Variants in WNT5A observed in about 807,000 individuals in gnomAD.
WNT5A encodes the protein Wnt family member 5A.
WNT5A carries 9 observed loss-of-function variants against 42.1 expected under a neutral mutation model. The ratio of observed to expected loss-of-function variants is 0.21; its 90% CI spans 0.13 to 0.37. The LOEUF is 0.37. Ranked by LOEUF, WNT5A falls within the 10% of genes least tolerant of loss-of-function variation. WNT5A has a pLI of 1.00. For missense variants in WNT5A, 426 were observed against 534.0 expected (o/e 0.80, Z 1.99); for synonymous variants, 210 against 210.0 (o/e 1.00, Z 0.00).
chr3:55,487,323 C>G (rs974929500), upstream of WNT5A: 16 of 366,736 alleles, frequency 4.4e-5, no homozygotes, highest in African/African-American at 3.2e-4. Flanking sequence ...AGAGGCGCTC[C>G]GTTTCCAACG....
chr3:55,484,845 C>A (rs1208593180), intron 1 of WNT5A, among the ~76,000 whole-genome samples: 2 of 152,134 alleles, frequency 1.3e-5, no homozygotes, highest in Non-Finnish European at 2.9e-5. Context: ...ATAGTCCAAC[C>A]CCCACTCTTT....
chr3:55,503,936 A>G, the WNT5A span, among the ~76,000 whole-genome samples: 3 of 152,156 alleles, frequency 2.0e-5, no homozygotes, highest in African/African-American at 7.2e-5. Flanking sequence ...GCAACAGAGC[A>G]AGACTCTGTC....
chr3:55,479,238 C>T (rs1462979607), intron 3 of WNT5A, 76 bp downstream of exon 3: 1 of 1,418,160 alleles, frequency 7.1e-7, no homozygotes. Flanking sequence ...TTCTATCAAG[C>T]ATGAAGTAAA....
At chr3:55,492,232 C>G (rs11130475), upstream of WNT5A, among the ~76,000 whole-genome samples, 9,612 of 56,174 alleles carry the variant, frequency 0.17, 462 homozygotes, top group African/African-American at 0.3. Context: ...TGCTTTGTGG[C>G]GGGGGGGCAC....
chr3:55,479,302 A>G lies in WNT5A; in HGVS notation c.391+12T>C. On this transcript the variant is annotated intron_variant, in intron 3 of 4. Coordinates refer to ENST00000264634, the MANE Select transcript of WNT5A (RefSeq NM_003392.7). ...TTAATGTTTTAAAAAAATATTTTAAATGTTTTCCTACCTATCTGCATCACC... is the reference window on the plus strand; with the variant it reads ...TTAATGTTTTAAAAAAATATTTTAAGTGTTTTCCTACCTATCTGCATCACC... The G allele has an allele frequency of 2.0e-6, 3 of 1,488,846 alleles. No individual in the cohort carries two copies. The highest frequency in any genetic ancestry group is 9.0e-7 in the Non-Finnish European group (1 of 1,116,496). 92.2% of individuals were successfully genotyped at this position (1,488,846 alleles called of 1,614,324 possible).
intron 1 of WNT5A, among the ~76,000 whole-genome samples, chr3:55,485,723 A>G (rs2051565779): frequency 6.6e-6 from 1 of 152,176 alleles, no homozygotes; most frequent in Non-Finnish European, 1.5e-5. Flanking sequence ...AGTTACTTCC[A>G]AACAGCGAAT....
At chr3:55,480,573 T>C (rs1268671561) in intron 2 of WNT5A, among the ~76,000 whole-genome samples, 1 of 152,174 alleles carries the variant, frequency 6.6e-6, no homozygotes, top group African/African-American at 2.4e-5. Flanking sequence ...ATTTATAGTT[T>C]CCCATTCCCT....
rs547995177 is a variant in WNT5A, at chr3:55,483,422, C to T, written c.7-2504G>A. On this transcript the variant is annotated intron_variant, in intron 1 of 4. Coordinates refer to ENST00000264634, the MANE Select transcript of WNT5A (RefSeq NM_003392.7). The surrounding 1 kb of genome is among the most constrained non-coding windows in gnomAD (Gnocchi z 4.2). ...CACAGCGAACTCACACATACATCGG[C>T]TCTGTAGGGTAAAACATCCCCGCCT... is the stretch of plus-strand genomic sequence containing the variant. Among the ~76,000 whole-genome samples the T allele has an allele frequency of 6.6e-6, 1 of 152,126 alleles. No individual in the cohort carries two copies. Among genetic ancestry groups the T allele is most frequent in the Non-Finnish European group, 1.5e-5 (1 of 68,024 alleles).
upstream of WNT5A, among the ~76,000 whole-genome samples, chr3:55,491,968 C>T (rs564477640): frequency 9.2e-5 from 14 of 152,210 alleles, no homozygotes; most frequent in Non-Finnish European, 1.6e-4. Flanking sequence ...CTTTGTGCTG[C>T]CACTGGCCTG....
At chr3:55,503,910 C>G in the WNT5A span, among the ~76,000 whole-genome samples, 116 of 152,320 alleles carry the variant, frequency 7.6e-4, no homozygotes, top group African/African-American at 2.7e-3. Context: ...GATTGCACTA[C>G]TGCACTCCAG....
At chr3:55,487,364 C>G (rs1484647209), upstream of WNT5A, 1 of 294,186 alleles carries the variant, frequency 3.4e-6, no homozygotes, top group Non-Finnish European at 6.2e-6. Context: ...TTAGGGCTTT[C>G]CAACCCCAAA....
At chr3:55,484,537 C>T (rs1559559090) in intron 1 of WNT5A, among the ~76,000 whole-genome samples, 1 of 152,142 alleles carries the variant, frequency 6.6e-6, no homozygotes, top group Non-Finnish European at 1.5e-5. Flanking sequence ...ATCAGTATGA[C>T]AAAAGAGAGC....
At chr3:55,502,562 T>C in the WNT5A span, among the ~76,000 whole-genome samples, 1 of 152,190 alleles carries the variant, frequency 6.6e-6, no homozygotes, top group Admixed American at 6.5e-5. Context: ...ATCTTAAGCA[T>C]TTCCAAATGG....
chr3:55,480,113 A>G (rs2051430487), intron 2 of WNT5A, among the ~76,000 whole-genome samples: 2 of 152,152 alleles, frequency 1.3e-5, no homozygotes, highest in Admixed American at 6.5e-5. Context: ...GACCCAAGAC[A>G]GGGTACCCAG....
intron 4 of WNT5A, 135 bp from the exon 5 acceptor site, chr3:55,470,685 T>A (rs1285352846): frequency 2.4e-6 from 2 of 816,976 alleles, no homozygotes; most frequent in Non-Finnish European, 3.6e-6. Context: ...TATATTTCCT[T>A]CATTACCAGA....
chr3:55,487,073 G>A lies in WNT5A; in HGVS notation c.-88C>T, dbSNP rs2051592686. ...AGCGGAGCGACCGGGTTAAGCCTGG[G>A]GGGACGGTCAGGAGCAGGGCTGCGG... is the stretch of plus-strand genomic sequence containing the variant. On this transcript the variant is annotated 5_prime_UTR_variant, in exon 1 of 5. Coordinates refer to ENST00000264634, the MANE Select transcript of WNT5A (RefSeq NM_003392.7). 1 of 1,228,910 alleles carries A rather than the reference G, an allele frequency of 8.1e-7. No homozygotes were observed. 76.1% of individuals were successfully genotyped at this position (1,228,910 alleles called of 1,614,324 possible).
rs934608927 is a variant in WNT5A, at chr3:55,481,401, G to A, written c.7-483C>T. ...AGGAGCACGGAGGCGAGTGGAGCGCGCTGCCGCCAGAGGCTGCCAAGGAGG... is the reference window on the plus strand; with the variant it reads ...AGGAGCACGGAGGCGAGTGGAGCGCACTGCCGCCAGAGGCTGCCAAGGAGG... On this transcript the variant is annotated intron_variant, in intron 1 of 4. Coordinates refer to ENST00000264634, the MANE Select transcript of WNT5A (RefSeq NM_003392.7). 23 of 985,370 alleles carry A rather than the reference G, an allele frequency of 2.3e-5. No homozygotes were observed. The African/African-American group carries it at 3.1e-4, about 13-fold the overall frequency. 61.0% of individuals were successfully genotyped at this position (985,370 alleles called of 1,614,324 possible).
intron 3 of WNT5A, among the ~76,000 whole-genome samples, chr3:55,476,583 A>C (rs1166271181): frequency 6.6e-6 from 1 of 152,232 alleles, no homozygotes; most frequent in Non-Finnish European, 1.5e-5. Flanking sequence ...TACAGAGCAT[A>C]AGAAGGCTTT....
chr3:55,478,864 T>C (rs2051403737), intron 3 of WNT5A, among the ~76,000 whole-genome samples: 1 of 152,196 alleles, frequency 6.6e-6, no homozygotes, highest in African/African-American at 2.4e-5. Flanking sequence ...AAAACTTTGT[T>C]CACTTTCAAT....
Sources: allele counts gnomAD v4.1 joint callset (sites outside exome capture counted in the v4.1 genomes callset), GRCh38; gene constraint gnomAD v4.1.1; non-coding constraint Gnocchi (gnomAD v3.1); transcripts MANE v1.5; gene names NCBI Gene and HGNC (gene_info 2026-07-23, HGNC 2026-07-21).